The following NRK variants were observed in gnomAD, a reference collection of about 807,000 sequenced individuals.
The protein encoded by NRK is Nik related kinase, also known as nik-related protein kinase.
In NRK, 67 loss-of-function variants were observed where a neutral mutation model predicts 125.2. That is an observed-to-expected ratio of 0.54 (90% confidence interval 0.44 to 0.66). The LOEUF is 0.66. NRK is among the 30% of genes least tolerant of loss of function. The pLI is 0.00. For missense variants in NRK, 1,224 were observed against 1,192.9 expected (o/e 1.03, Z -0.38); for synonymous variants, 458 against 429.0 (o/e 1.07, Z -0.84).
At chrX:105,929,954 A>G (rs1391625571) in intron 19 of NRK, among the ~76,000 whole-genome samples, 3 of 111,778 alleles carry the variant, frequency 2.7e-5, no homozygotes, top group African/African-American at 6.5e-5. Context: ...TGTTAGTCCA[A>G]TGAGGATTTC....
At chrX:105,929,197 T>C (rs979424678) in intron 19 of NRK, among the ~76,000 whole-genome samples, 1 of 111,829 alleles carries the variant, frequency 8.9e-6, no homozygotes, top group African/African-American at 3.2e-5. Context: ...ATAATTATTA[T>C]ATCCTCTTGC....
rs767608122 is a variant in NRK, at chrX:105,917,588, C to T, written c.2428C>T (p.Arg810Trp). The part of the protein sequence containing the change: ...HVKFSSSVPQ[R>W]SLLEQAQKPI... Reference sequence around the variant, plus strand: ...CTGTCTTTTCATTAGCGTTCCTCAGCGGTCTCTTTTGGAACAAGCTCAGAA... The same window carrying T: ...CTGTCTTTTCATTAGCGTTCCTCAGTGGTCTCTTTTGGAACAAGCTCAGAA... Residue 810 changes from arginine (R) to tryptophan (W), a missense_variant, in exon 16 of 29, where the codon CGG becomes TGG. Physicochemically the swap from Arg to Trp is moderately radical, Grantham distance 101 (BLOSUM62 -3). Coordinates refer to ENST00000243300, the MANE Select transcript of NRK (RefSeq NM_198465.4). 7 of 1,149,694 alleles carry T rather than the reference C, an allele frequency of 6.1e-6. No homozygotes were observed. In the East Asian group the frequency reaches 9.4e-5, roughly 15 times the overall value. The allele number at this position is 1,149,694 out of a possible 1,213,427, so 94.7% of individuals were successfully genotyped here.
chrX:105,880,497 G>A (rs761676484), intron 3 of NRK, among the ~76,000 whole-genome samples: 140 of 110,652 alleles, frequency 1.3e-3, no homozygotes, highest in Admixed American at 2.0e-3. Context: ...CACATATTTT[G>A]GTATTCTATA....
At chrX:105,920,904 A>G (rs1172769096) in intron 16 of NRK, among the ~76,000 whole-genome samples, 5 of 96,160 alleles carry the variant, frequency 5.2e-5, no homozygotes, top group Non-Finnish European at 1.0e-4. Flanking sequence ...TAGTTCAACC[A>G]TTGTGGAAGT....
intron 8 of NRK, among the ~76,000 whole-genome samples, chrX:105,900,225 T>C (rs1415246544): frequency 1.8e-5 from 2 of 110,255 alleles, no homozygotes; most frequent in East Asian, 5.7e-4. Context: ...ATGCTATTGT[T>C]ATCACCATTT....
intron 2 of NRK, among the ~76,000 whole-genome samples, chrX:105,850,267 G>C (rs1294766057): frequency 8.9e-6 from 1 of 111,883 alleles, no homozygotes; most frequent in Admixed American, 9.4e-5. Flanking sequence ...GGAGCGGCTG[G>C]GACACAGGAC....
Position 105,923,241 on chromosome X carries a change from C to G in NRK, c.2734C>G (p.Gln912Glu), listed in dbSNP as rs2040476531. The G allele has an allele frequency of 8.3e-7, 1 of 1,207,176 alleles. No homozygotes were observed. Among genetic ancestry groups the G allele is most frequent in the African/African-American group, 1.8e-5 (1 of 56,952 alleles). Residue 912 changes from glutamine (Q) to glutamate (E), a missense_variant, in exon 18 of 29, where the codon CAG becomes GAG. Transcript: ENST00000243300. Reference sequence around the variant, plus strand: ...TTGGTTAACTCCGGCACCTGTCATTCAGCCACCTGAAGAGGATGGTGATTA... The same window carrying G: ...TTGGTTAACTCCGGCACCTGTCATTGAGCCACCTGAAGAGGATGGTGATTA... ...NDWLTPAPVI[Q>E]PPEEDGDYVE...
At chrX:105,947,218 C>T (rs2040825519) in intron 26 of NRK, among the ~76,000 whole-genome samples, 1 of 84,874 alleles carries the variant, frequency 1.2e-5, no homozygotes, top group Non-Finnish European at 2.1e-5. Flanking sequence ...CCGAGGCGGG[C>T]GGATCACGAG....
In NRK at chrX:105,906,764, CGTGTGTGTGTGTGTGTGTGTGT is replaced by C. The variant is rs61655627; in HGVS notation, c.1021+198_1021+219del. ...TGTGCTCTTATTTAATTTTCTCTTG[CGTGTGTGTGTGTGTGTGTGTGT>C]GTGTGTGTGTGTGTGTGTGTGTATA... On this transcript the variant is annotated intron_variant, in intron 11 of 28. Transcript: ENST00000243300. 5.7e-5 allele frequency among the ~76,000 whole-genome samples: 5 copies of C among 87,535 alleles called. No homozygotes were observed. In the South Asian group the frequency reaches 2.6e-3, roughly 46 times the overall value. The allele number at this position is 87,535 out of a possible 115,157, so 76.0% of individuals were successfully genotyped here. A position where few individuals can be genotyped will look rare whatever the true frequency, so the allele number is the denominator to read the frequency against.
intron 15 of NRK, among the ~76,000 whole-genome samples, chrX:105,916,406 A>AT (rs2040366817): frequency 2.7e-5 from 3 of 110,787 alleles, no homozygotes; most frequent in Admixed American, 9.6e-5. Context: ...TTTAAGGTAG[A>AT]TTTTTTTAAG....
At chrX:105,871,035 A>G (rs2039739697) in intron 2 of NRK, among the ~76,000 whole-genome samples, 1 of 111,896 alleles carries the variant, frequency 8.9e-6, no homozygotes. Context: ...TCACTATCAC[A>G]TGTCCCCATA....
At chrX:105,936,868 G>A (rs1360158138) in intron 21 of NRK, among the ~76,000 whole-genome samples, 2 of 111,196 alleles carry the variant, frequency 1.8e-5, no homozygotes, top group Non-Finnish European at 3.8e-5. Flanking sequence ...TTTAATATAT[G>A]CATGAACATA....
rs200825327 is a variant in NRK at position 105,918,889 on chromosome X, TG to T, written c.2512+1219del. 7.2e-3 allele frequency among the ~76,000 whole-genome samples: 784 copies of T among 108,578 alleles called. 8 individuals carry two copies. The highest frequency in any genetic ancestry group is 0.055 in the South Asian group (135 of 2,466). 94.3% of individuals were successfully genotyped at this position (108,578 alleles called of 115,157 possible). ...TCTCATGAAATTATATGCTTCATTA[TG>T]GAGGAAATCTCAGAGCACCTTACTA... is the stretch of plus-strand genomic sequence containing the variant. On this transcript the variant is annotated intron_variant, in intron 16 of 28. Transcript: ENST00000243300.
chrX:105,939,897 T>C lies in NRK; in HGVS notation c.3823T>C (p.Tyr1275His), dbSNP rs753407199. The C allele has an allele frequency of 1.7e-6, 2 of 1,182,438 alleles. No individual in the cohort carries two copies. Among genetic ancestry groups the C allele is most frequent in the Non-Finnish European group, 2.3e-6 (2 of 872,604 alleles). Residue 1275 changes from tyrosine to histidine, a missense_variant, in exon 23 of 29, where the codon TAT becomes CAT. By Grantham distance (83) the Tyr-to-His change is moderately conservative. Coordinates refer to ENST00000243300, the MANE Select transcript of NRK (RefSeq NM_198465.4). ...AGGTCATAAGAACAGACTTCGGGTG[T>C]ATCATCTGACCTGGTTGAGGAACAA... ...ISGHKNRLRVYHLTWLRNKIL... is the reference protein window; with the variant it reads ...ISGHKNRLRVHHLTWLRNKIL...
At position 105,842,726 on chromosome X, in the gene NRK, G is replaced by A. The variant is rs537843707; in HGVS notation, c.123+11607G>A. 5.2e-4 allele frequency among the ~76,000 whole-genome samples: 58 copies of A among 111,547 alleles called. No individual in the cohort carries two copies. In the Middle Eastern group the frequency reaches 0.019, roughly 36 times the overall value. On this transcript the variant is annotated intron_variant, in intron 2 of 28. Coordinates refer to ENST00000243300, the MANE Select transcript of NRK (RefSeq NM_198465.4). ...ATGTAGGTCTAAGTGGCTATAGCTT[G>A]GAAGGTTAGAGGGTGGCAGAGGCAG...
At chrX:105,868,725 C>T (rs1268367510) in intron 2 of NRK, among the ~76,000 whole-genome samples, 1 of 104,421 alleles carries the variant, frequency 9.6e-6, no homozygotes, top group Admixed American at 1.1e-4. Flanking sequence ...TCCCCCGCCC[C>T]CCACCACTCT....
chrX:105,889,796 G>C (rs2039993791), intron 5 of NRK, among the ~76,000 whole-genome samples: 1 of 112,208 alleles, frequency 8.9e-6, no homozygotes, highest in East Asian at 2.8e-4. Context: ...AGGGCAACAA[G>C]TCCCTAGGCT....
At chrX:105,918,164 A>T (rs957516414) in intron 16 of NRK, among the ~76,000 whole-genome samples, 2 of 111,833 alleles carry the variant, frequency 1.8e-5, no homozygotes, top group Non-Finnish European at 3.8e-5. Flanking sequence ...ATACATGAAC[A>T]ATTAATCTAT....
Position 105,935,240 on chromosome X carries a change from C to G in NRK, c.3570C>G (p.Leu1190=), listed in dbSNP as rs756731615. 11 of 1,187,136 alleles carry G rather than the reference C, an allele frequency of 9.3e-6. No individual in the cohort carries two copies. The East Asian group carries it at 3.3e-4, about 35-fold the overall frequency. The change falls in exon 21 of 29, where the codon CTC becomes CTG. Residue 1190 remains leucine (L), a synonymous_variant. Coordinates refer to ENST00000243300, the MANE Select transcript of NRK (RefSeq NM_198465.4). The stretch of plus-strand genomic sequence containing the variant: ...CCTCTGAAGTCAATGTTAACCCACT[C>G]TATGTCTCTCCTGCATGTAAAAAAC... The part of the protein sequence containing the change: ...KQPSEVNVNP[L]YVSPACKKPL...
Sources: gnomAD v4.1 joint callset for allele counts (sites outside exome capture counted in the v4.1 genomes callset) on GRCh38, gnomAD v4.1.1 for gene constraint, MANE v1.5 for transcripts, NCBI Gene and HGNC (gene_info 2026-07-23, HGNC 2026-07-21) for gene names.